The following PTPRB variants were observed in gnomAD, a reference collection of about 807,000 sequenced individuals.
The protein encoded by PTPRB is receptor-type tyrosine-protein phosphatase beta.
In PTPRB, 97 loss-of-function variants were observed where a neutral mutation model predicts 238.1. The ratio of observed to expected loss-of-function variants is 0.41; its 90% CI spans 0.35 to 0.48. The LOEUF (loss-of-function observed/expected upper bound fraction) is 0.48, where lower values mean the gene tolerates loss of function less well. Among genes scored for constraint, PTPRB ranks in the 20% least tolerant of loss-of-function variants. PTPRB has a pLI of 0.30. For synonymous variants in PTPRB, 970 were observed against 995.4 expected (o/e 0.97, Z 0.48); for missense variants, 2,292 against 2,681.9 (o/e 0.85, Z 3.21).
intron 17 of PTPRB, among the ~76,000 whole-genome samples, chr12:70,559,980 G>A (rs933956210): frequency 1.3e-5 from 2 of 151,676 alleles, no homozygotes; most frequent in African/African-American, 2.4e-5. Flanking sequence ...GGGATTACAG[G>A]TGCCCACCAC....
chr12:70,629,655 G>A (rs1310910071), intron 2 of PTPRB, among the ~76,000 whole-genome samples: 2 of 152,086 alleles, frequency 1.3e-5, no homozygotes, highest in Non-Finnish European at 2.9e-5. Context: ...GTGAATCCAG[G>A]AGCTGTTATT....
At chr12:70,575,403 C>G (rs1191982305) in intron 11 of PTPRB, among the ~76,000 whole-genome samples, 1 of 152,178 alleles carries the variant, frequency 6.6e-6, no homozygotes, top group Non-Finnish European at 1.5e-5. Context: ...TGTTTCTTCT[C>G]AAAGAAATGC....
Position 70,520,251 on chromosome 12 carries a change from A to T in PTPRB, c.*1238T>A. ...AAGGAAATACTTTCTGACTCATTGGAATTTGTTATAGTCAAAGTAAGTAAG... is the reference window on the plus strand; with the variant it reads ...AAGGAAATACTTTCTGACTCATTGGTATTTGTTATAGTCAAAGTAAGTAAG... On this transcript the variant is annotated 3_prime_UTR_variant, in exon 34 of 34. Coordinates refer to ENST00000334414, the MANE Select transcript of PTPRB (RefSeq NM_001109754.4). 1 of 466,240 alleles carries T rather than the reference A, an allele frequency of 2.1e-6. No homozygotes were observed. The highest frequency in any genetic ancestry group is 4.3e-6 in the Non-Finnish European group (1 of 231,778). The allele number at this position is 466,240 out of a possible 1,614,324, so 28.9% of individuals were successfully genotyped here.
intron 3 of PTPRB, among the ~76,000 whole-genome samples, chr12:70,610,183 A>G (rs1428598853): frequency 6.6e-6 from 1 of 152,156 alleles, no homozygotes; most frequent in East Asian, 1.9e-4. Context: ...CGAGGAGCCA[A>G]CGCCTGAGCC....
intron 3 of PTPRB, among the ~76,000 whole-genome samples, chr12:70,610,246 C>A (rs534135438): frequency 1.3e-5 from 2 of 152,362 alleles, no homozygotes; most frequent in African/African-American, 4.8e-5. Flanking sequence ...GCGCCGATAC[C>A]TTCCCGGCCA....
At position 70,539,607 on chromosome 12, in the gene PTPRB, A is replaced by G; in HGVS notation, c.5778+18T>C. 1 of 1,499,140 alleles carries G rather than the reference A, an allele frequency of 6.7e-7. No homozygotes were observed. The highest frequency in any genetic ancestry group is 9.1e-7 in the Non-Finnish European group (1 of 1,095,578). The allele number at this position is 1,499,140 out of a possible 1,614,324, so 92.9% of individuals were successfully genotyped here. On this transcript the variant is annotated intron_variant, in intron 26 of 33. Coordinates refer to ENST00000334414, the MANE Select transcript of PTPRB (RefSeq NM_001109754.4). ...TAAGAACTAGGGATGCTGAAGCTTC[A>G]TTCTGCCTGAGTTGTACCTCGTATT... is the stretch of plus-strand genomic sequence containing the variant.
At chr12:70,552,483 CA>C (rs60295837) in intron 21 of PTPRB, among the ~76,000 whole-genome samples, 27 of 122,300 alleles carry the variant, frequency 2.2e-4, no homozygotes, top group Non-Finnish European at 2.3e-4. Context: ...GACTCTGTCT[CA>C]AAAAAAAAAA....
chr12:70,595,186 A>T (rs1882882386), intron 5 of PTPRB, among the ~76,000 whole-genome samples: 1 of 151,814 alleles, frequency 6.6e-6, no homozygotes. Flanking sequence ...TTTTCAGCAA[A>T]CTAACACAGG....
At chr12:70,549,026 A>G (rs750059285) in intron 21 of PTPRB, among the ~76,000 whole-genome samples, 10 of 152,094 alleles carry the variant, frequency 6.6e-5, no homozygotes, top group African/African-American at 2.2e-4. Flanking sequence ...TTCTGCCTCT[A>G]TTTTGCAGAT....
At chr12:70,576,682 G>T (rs1565967500) in intron 10 of PTPRB, 37 bp from the exon 11 acceptor site, 2 of 115,658 alleles carry the variant, frequency 1.7e-5, no homozygotes, top group Non-Finnish European at 3.2e-5. Flanking sequence ...GGGGGGGGGG[G>T]AAGGGGGATT....
intron 4 of PTPRB, 162 bp downstream of exon 4, chr12:70,608,906 TG>T: frequency 1.9e-6 from 2 of 1,028,420 alleles, no homozygotes; most frequent in African/African-American, 1.6e-5. Context: ...AAGCTGCTTC[TG>T]GCTAGATCCG....
chr12:70,627,327 A>C lies in PTPRB; in HGVS notation c.452-4681T>G, dbSNP rs74710915. On this transcript the variant is annotated intron_variant, in intron 2 of 33. Coordinates refer to ENST00000334414, the MANE Select transcript of PTPRB (RefSeq NM_001109754.4). ...AGGGGAGCTGGAAAGGGGGTGAATA[A>C]CTTGGCGTGCGCAGGACTGACTTGT... is the stretch of plus-strand genomic sequence containing the variant. Among the ~76,000 whole-genome samples, 641 of 152,272 alleles carry C rather than the reference A, an allele frequency of 4.2e-3. 4 individuals are homozygous for C. Among genetic ancestry groups the C allele is most frequent in the African/African-American group, 0.015 (623 of 41,564 alleles).
rs750607677 is a variant in PTPRB, at chr12:70,622,402, G to T, written c.696C>A (p.Ser232Arg). The T allele has an allele frequency of 2.5e-6, 4 of 1,611,794 alleles. No homozygotes were observed. In the African/African-American group the frequency reaches 5.3e-5, roughly 22 times the overall value. ...WVLSTTQPFSSTTEETGLAEP... is the reference protein window; with the variant it reads ...WVLSTTQPFSRTTEETGLAEP... ...CCCCTCCTTTTACCTCTTCAGTGGT[G>T]CTGGAGAAGGGCTGAGTAGTCGACA... The change falls in exon 3 of 34, where the codon AGC (serine) becomes AGA (arginine). Residue 232 changes from serine (S) to arginine (R), a missense_variant. Physicochemically the swap from Ser to Arg is moderately radical, Grantham distance 110. Transcript: ENST00000334414.
intron 3 of PTPRB, chr12:70,609,681 T>C (rs764778497): frequency 2.8e-6 from 4 of 1,415,166 alleles, no homozygotes; most frequent in Middle Eastern, 1.8e-4. Flanking sequence ...CACAACCCGA[T>C]AGACGAGAAA....
intron 32 of PTPRB, among the ~76,000 whole-genome samples, chr12:70,526,009 T>A (rs968511822): frequency 2.0e-5 from 3 of 152,318 alleles, no homozygotes; most frequent in African/African-American, 7.2e-5. Flanking sequence ...CTTAAAAGTA[T>A]TTTAGAGGTT....
rs765291559 is a variant in PTPRB, at chr12:70,540,885, GCAA to G, written c.5564_5566del (p.Val1855del). ...CACTTTCTGTCTGCAGATCAATAAG[GCAA>G]CAACAGCCACTAGCATGCCAATTAA... is the stretch of plus-strand genomic sequence containing the variant. On this transcript the variant is annotated inframe_deletion, in exon 23 of 34. Coordinates refer to ENST00000334414, the MANE Select transcript of PTPRB (RefSeq NM_001109754.4). 1.0e-5 allele frequency: 16 copies of G among 1,604,446 alleles called. No individual in the cohort carries two copies. The South Asian group carries it at 1.6e-4, about 16-fold the overall frequency.
intron 2 of PTPRB, among the ~76,000 whole-genome samples, chr12:70,624,555 C>T (rs1885091114): frequency 6.6e-6 from 1 of 152,172 alleles, no homozygotes; most frequent in Non-Finnish European, 1.5e-5. Context: ...AATCTTAATT[C>T]TGCAGTCTTG....
chr12:70,603,298 A>G (rs1192277416), intron 4 of PTPRB, among the ~76,000 whole-genome samples: 1 of 152,212 alleles, frequency 6.6e-6, no homozygotes, highest in Non-Finnish European at 1.5e-5. Context: ...AAAGTTCAAC[A>G]CAATCAGAGA....
chr12:70,536,179 T>C lies in PTPRB; in HGVS notation c.5947-20A>G, dbSNP rs370392872. ...GTTGCCCTGCAATGAATTTACAATA[T>C]GGAGAGTCAGAAACAATGGGCCTCT... On this transcript the variant is annotated intron_variant, in intron 28 of 33. Coordinates refer to ENST00000334414, the MANE Select transcript of PTPRB (RefSeq NM_001109754.4). 47 of 1,608,142 alleles carry C rather than the reference T, an allele frequency of 2.9e-5. No homozygotes were observed. The highest frequency in any genetic ancestry group is 1.6e-4 in the Middle Eastern group (1 of 6,080).
Sources: gnomAD v4.1 joint callset for allele counts (sites outside exome capture counted in the v4.1 genomes callset) on GRCh38, gnomAD v4.1.1 for gene constraint, MANE v1.5 for transcripts, NCBI Gene and HGNC (gene_info 2026-07-23, HGNC 2026-07-21) for gene names.